Variants in MEF2D observed in about 807,000 individuals in gnomAD.
The protein encoded by MEF2D is myocyte-specific enhancer factor 2D.
In MEF2D, 10 loss-of-function variants were observed where a neutral mutation model predicts 59.3. The ratio of observed to expected loss-of-function variants is 0.17; its 90% CI spans 0.10 to 0.29. The LOEUF is 0.29. Among genes scored for constraint, MEF2D ranks in the 10% least tolerant of loss-of-function variants. MEF2D has a pLI of 1.00. For synonymous variants in MEF2D, 305 were observed against 295.0 expected, an observed-to-expected ratio of 1.03 and a Z score of -0.35; for missense variants, 508 against 699.4, an observed-to-expected ratio of 0.73 and a Z score of 3.09.
At chr1:156,469,545 A>C (rs545618531) in intron 9 of MEF2D, among the ~76,000 whole-genome samples, 1 of 150,744 alleles carries the variant, frequency 6.6e-6, no homozygotes, top group South Asian at 2.1e-4. Flanking sequence ...GGCATGAGCC[A>C]CCGCATCCGA....
At chr1:156,475,660 G>A (rs534059161) in intron 8 of MEF2D, among the ~76,000 whole-genome samples, 124 of 152,310 alleles carry the variant, frequency 8.1e-4, no homozygotes, top group Middle Eastern at 3.4e-3. Context: ...CTGGCGTGGC[G>A]TGTGCCTGCG....
chr1:156,471,026 G>T (rs1671204213), intron 9 of MEF2D, among the ~76,000 whole-genome samples: 1 of 152,296 alleles, frequency 6.6e-6, no homozygotes, highest in Non-Finnish European at 1.5e-5. Flanking sequence ...AGCAGAGCAA[G>T]GGCAGAAACG....
chr1:156,468,450 G>T lies in MEF2D; in HGVS notation c.1248-151C>A. ...TGTTGGGGAGAGGCAATTGGATGGAGAGTGATCAGAAGAGGGTCGAATGAA... is the reference window on the plus strand; with the variant it reads ...TGTTGGGGAGAGGCAATTGGATGGATAGTGATCAGAAGAGGGTCGAATGAA... On this transcript the variant is annotated intron_variant, in intron 10 of 11. Coordinates refer to ENST00000348159, the MANE Select transcript of MEF2D (RefSeq NM_005920.4). The surrounding 1 kb of genome is among the most constrained non-coding windows in gnomAD (Gnocchi z 4.3). 1 of 635,362 alleles carries T rather than the reference G, an allele frequency of 1.6e-6. No individual in the cohort carries two copies. Among genetic ancestry groups the T allele is most frequent in the Non-Finnish European group, 2.7e-6 (1 of 373,612 alleles). 39.4% of individuals were successfully genotyped at this position (635,362 alleles called of 1,614,324 possible).
At chr1:156,470,402 G>C (rs1248705763) in intron 9 of MEF2D, among the ~76,000 whole-genome samples, 2 of 150,330 alleles carry the variant, frequency 1.3e-5, no homozygotes, top group African/African-American at 2.5e-5. Flanking sequence ...CTGGGCAACA[G>C]AGCGAGACTC....
chr1:156,469,073 T>C, intron 9 of MEF2D, 53 bp from the exon 10 acceptor site: 1 of 1,547,100 alleles, frequency 6.5e-7, no homozygotes, highest in Middle Eastern at 1.7e-4. Context: ...GCACACAGGC[T>C]CCTATGAGGG....
chr1:156,497,610 C>T (rs1392370853), intron 1 of MEF2D, among the ~76,000 whole-genome samples: 1 of 152,198 alleles, frequency 6.6e-6, no homozygotes, highest in Admixed American at 6.5e-5. Flanking sequence ...AGTAAGGCCA[C>T]CACTCTCTCG....
chr1:156,481,107 C>G, intron 3 of MEF2D, 136 bp from the exon 4 acceptor site: 2 of 1,249,132 alleles, frequency 1.6e-6, no homozygotes, highest in Non-Finnish European at 2.2e-6. Context: ...TCTCCCTGGC[C>G]CCTCCCCACT....
At chr1:156,470,146 A>G (rs1419914847) in intron 9 of MEF2D, among the ~76,000 whole-genome samples, 1 of 152,256 alleles carries the variant, frequency 6.6e-6, no homozygotes, top group African/African-American at 2.4e-5. Context: ...TGAATGTTTC[A>G]TGATTTACAC....
chr1:156,495,777 A>AAAAAAAAAAAAAAAAC (rs1259675899), intron 1 of MEF2D, among the ~76,000 whole-genome samples: 2 of 150,620 alleles, frequency 1.3e-5, no homozygotes, highest in African/African-American at 4.9e-5. Context: ...AAAAAAAAAA[A>AAAAAAAAAAAAAAAAC]AGCTCCCTCT....
rs763817992 is a variant in MEF2D at position 156,477,117 on chromosome 1, C to T, written c.750G>A (p.Lys250=). 13 of 1,613,862 alleles carry T rather than the reference C, an allele frequency of 8.1e-6. No individual in the cohort carries two copies. Among genetic ancestry groups the T allele is most frequent in the Non-Finnish European group, 1.1e-5 (13 of 1,179,962 alleles). Residue 250 remains lysine (K), a synonymous_variant, in exon 7 of 12, where the codon AAG becomes AAA. Coordinates refer to ENST00000348159, the MANE Select transcript of MEF2D (RefSeq NM_005920.4). The part of the protein sequence containing the change: ...GNSLNKVIPA[K]SPPPPTHSTQ... The stretch of plus-strand genomic sequence containing the variant: ...TGCTGTGGGTAGGTGGGGGTGGAGA[C>T]TTGGCAGGGATGACCTTGTTTAGGC...
intron 1 of MEF2D, among the ~76,000 whole-genome samples, chr1:156,485,872 CAG>C (rs1405639471): frequency 6.7e-5 from 10 of 149,502 alleles, no homozygotes; most frequent in Non-Finnish European, 1.5e-4. Context: ...TTTTGTGAGA[CAG>C]AGTCTCACTC....
intron 3 of MEF2D, 100 bp downstream of exon 3, chr1:156,482,337 T>C (rs1014622096): frequency 3.3e-6 from 4 of 1,205,744 alleles, no homozygotes; most frequent in Admixed American, 1.8e-5. Flanking sequence ...TGTATACCAG[T>C]GTGTGTGCAT....
At position 156,465,111 on chromosome 1, in the gene MEF2D, C is replaced by T. The variant is rs1160164849; in HGVS notation, c.*2534G>A. ...GGCTCATCAGTTTTTGAAACTCCGTCTAGAAGCCTGCAGGAGAGGTGGGAA... is the reference window on the plus strand; with the variant it reads ...GGCTCATCAGTTTTTGAAACTCCGTTTAGAAGCCTGCAGGAGAGGTGGGAA... On this transcript the variant is annotated 3_prime_UTR_variant, in exon 12 of 12. Coordinates refer to ENST00000348159, the MANE Select transcript of MEF2D (RefSeq NM_005920.4). 1 of 152,398 alleles carries T rather than the reference C, an allele frequency of 6.6e-6. No individual in the cohort carries two copies. Among genetic ancestry groups the T allele is most frequent in the African/African-American group, 2.4e-5 (1 of 41,466 alleles). 9.4% of individuals were successfully genotyped at this position (152,398 alleles called of 1,614,324 possible).
At chr1:156,492,425 A>C (rs1672858907) in intron 1 of MEF2D, among the ~76,000 whole-genome samples, 1 of 152,220 alleles carries the variant, frequency 6.6e-6, no homozygotes, top group African/African-American at 2.4e-5. Flanking sequence ...GAGGGCATGG[A>C]GGCCCCAGCA....
rs1250665332 is a variant in MEF2D at position 156,463,765 on chromosome 1, C to A, written c.*3880G>T. On this transcript the variant is annotated 3_prime_UTR_variant, in exon 12 of 12. Transcript: ENST00000348159. ...TATTCTTTTTCTTTTAATAGTAAAC[C>A]TCTTTACAACAAATATAGTGAAAGA... 1.3e-5 allele frequency: 2 copies of A among 152,394 alleles called. No individual in the cohort carries two copies. The highest frequency in any genetic ancestry group is 2.9e-5 in the Non-Finnish European group (2 of 68,044). The allele number at this position is 152,394 out of a possible 1,614,324, so 9.4% of individuals were successfully genotyped here. A position where few individuals can be genotyped will look rare whatever the true frequency, so the allele number is the denominator to read the frequency against.
At chr1:156,467,894 A>C (rs1473163663) in intron 11 of MEF2D, 99 bp downstream of exon 11, 17 of 1,423,322 alleles carry the variant, frequency 1.2e-5, no homozygotes, top group Non-Finnish European at 1.5e-5. Flanking sequence ...AGCCGGCCAC[A>C]AGGCCTCTTG....
At chr1:156,480,540 C>T in intron 4 of MEF2D, 1 of 1,239,592 alleles carries the variant, frequency 8.1e-7, no homozygotes, top group Non-Finnish European at 1.1e-6. Context: ...CACTAAGAAC[C>T]CGAGCATGGC....
Position 156,469,747 on chromosome 1 carries a change from G to A in MEF2D, c.1007-727C>T, listed in dbSNP as rs113263435. ...TACAAATAGCTTAAAAATTAGCTAG[G>A]GTGGTGGGGTGCACTGTAGTTCCAG... is the stretch of plus-strand genomic sequence containing the variant. On this transcript the variant is annotated intron_variant, in intron 9 of 11. Transcript: ENST00000348159. 7.0e-3 allele frequency among the ~76,000 whole-genome samples: 1,069 copies of A among 152,170 alleles called. 12 individuals are homozygous for A. The highest frequency in any genetic ancestry group is 0.024 in the African/African-American group (988 of 41,512).
intron 9 of MEF2D, among the ~76,000 whole-genome samples, chr1:156,471,817 G>T (rs1005086146): frequency 6.6e-6 from 1 of 152,206 alleles, no homozygotes; most frequent in Non-Finnish European, 1.5e-5. Context: ...CACACCTAGG[G>T]TCACCTGAAA....
Sources: gnomAD v4.1 joint callset for allele counts (sites outside exome capture counted in the v4.1 genomes callset) on GRCh38, gnomAD v4.1.1 for gene constraint, Gnocchi (gnomAD v3.1) non-coding constraint, MANE v1.5 for transcripts, NCBI Gene and HGNC (gene_info 2026-07-23, HGNC 2026-07-21) for gene names.